Variants in MYO3A observed in about 807,000 individuals in gnomAD.
The protein encoded by MYO3A is myosin-IIIa.
Under a neutral mutation model 192.7 loss-of-function variants are expected in MYO3A, and 180 were observed. The observed-to-expected ratio is 0.93, with a 90% CI of 0.83 to 1.06. The LOEUF (loss-of-function observed/expected upper bound fraction) is 1.06, where lower values mean the gene tolerates loss of function less well. Ranked by LOEUF, MYO3A falls within the 50% of genes least tolerant of loss-of-function variation. The pLI is 0.00. For missense variants in MYO3A, 1,896 were observed against 1,905.0 expected (o/e 1.00, Z 0.09); for synonymous variants, 628 against 645.3 (o/e 0.97, Z 0.41).
chr10:26,118,186 GT>G (rs1312117021), intron 17 of MYO3A, among the ~76,000 whole-genome samples: 25 of 148,120 alleles, frequency 1.7e-4, no homozygotes, highest in East Asian at 9.8e-4. Flanking sequence ...TTTTAATAGG[GT>G]TTTTTTTTTC....
chr10:25,944,663 T>G (rs906946467), intron 2 of MYO3A, among the ~76,000 whole-genome samples: 1 of 151,984 alleles, frequency 6.6e-6, no homozygotes, highest in Admixed American at 6.6e-5. Flanking sequence ...ATTTGTCCAC[T>G]TCATCTAGTT....
intron 26 of MYO3A, among the ~76,000 whole-genome samples, chr10:26,158,954 T>C (rs571060972): frequency 6.6e-6 from 1 of 152,314 alleles, no homozygotes; most frequent in East Asian, 1.9e-4. Flanking sequence ...ATTCTTTTAC[T>C]TGGAGTAACC....
At chr10:25,960,358 C>T (rs189179075) in intron 4 of MYO3A, among the ~76,000 whole-genome samples, 2 of 152,078 alleles carry the variant, frequency 1.3e-5, no homozygotes, top group East Asian at 1.9e-4. Context: ...TAAAAATAGA[C>T]AATTTATCTA....
At chr10:26,121,964 G>A (rs913090973) in intron 18 of MYO3A, among the ~76,000 whole-genome samples, 1 of 152,176 alleles carries the variant, frequency 6.6e-6, no homozygotes, top group Non-Finnish European at 1.5e-5. Flanking sequence ...CAAGTGTATG[G>A]AATTGGCATG....
At chr10:25,962,820 A>T (rs1183224796) in intron 4 of MYO3A, among the ~76,000 whole-genome samples, 2 of 152,146 alleles carry the variant, frequency 1.3e-5, no homozygotes, top group Non-Finnish European at 2.9e-5. Context: ...AGTCTCATAT[A>T]AGGCATTTGC....
intron 34 of MYO3A, chr10:26,204,534 T>C (rs1270625543): frequency 6.6e-6 from 1 of 152,268 alleles, no homozygotes; most frequent in Non-Finnish European, 1.5e-5. Context: ...CTAGGCACTA[T>C]GCCATTGTCT....
chr10:26,109,589 G>C (rs977907697), intron 17 of MYO3A, among the ~76,000 whole-genome samples: 1 of 152,192 alleles, frequency 6.6e-6, no homozygotes, highest in African/African-American at 2.4e-5. Context: ...GAATCCACTG[G>C]AGGTCTTGGG....
At chr10:26,104,665 C>A (rs1837679742) in intron 17 of MYO3A, among the ~76,000 whole-genome samples, 1 of 151,778 alleles carries the variant, frequency 6.6e-6, no homozygotes. Context: ...CAGGGTCAGT[C>A]CCTTAAACTT....
At chr10:26,060,385 T>C (rs1191656722) in intron 10 of MYO3A, among the ~76,000 whole-genome samples, 2 of 152,152 alleles carry the variant, frequency 1.3e-5, no homozygotes, top group Non-Finnish European at 2.9e-5. Context: ...GGAGAATCGC[T>C]TGAACCTGGA....
At chr10:26,068,629 TG>T in intron 11 of MYO3A, 138 bp from the exon 12 acceptor site, 1 of 559,064 alleles carries the variant, frequency 1.8e-6, no homozygotes, top group Non-Finnish European at 3.2e-6. Context: ...TGATGTTACA[TG>T]TTTTTTACTA....
intron 14 of MYO3A, among the ~76,000 whole-genome samples, chr10:26,083,169 TA>T (rs1836079313): frequency 6.6e-6 from 1 of 152,182 alleles, no homozygotes; most frequent in Non-Finnish European, 1.5e-5. Flanking sequence ...GGCCATTAAG[TA>T]AAATAAAGAT....
intron 17 of MYO3A, among the ~76,000 whole-genome samples, chr10:26,097,786 TTGG>T (rs1157317942): frequency 2.0e-5 from 3 of 152,220 alleles, no homozygotes; most frequent in Non-Finnish European, 4.4e-5. Flanking sequence ...CAGTCTATCA[TTGG>T]TGGACATTTG....
chr10:26,191,074 A>G (rs1167189372), intron 31 of MYO3A, among the ~76,000 whole-genome samples: 1 of 152,212 alleles, frequency 6.6e-6, no homozygotes, highest in Non-Finnish European at 1.5e-5. Flanking sequence ...GTCACATACC[A>G]CATTCATGTT....
chr10:26,158,720 A>T (rs1232289341), intron 26 of MYO3A, among the ~76,000 whole-genome samples: 2 of 151,974 alleles, frequency 1.3e-5, no homozygotes, highest in East Asian at 3.9e-4. Context: ...TATCATTTCT[A>T]TTGGTCATTA....
intron 26 of MYO3A, among the ~76,000 whole-genome samples, chr10:26,163,795 T>C (rs1841595477): frequency 6.6e-6 from 1 of 152,126 alleles, no homozygotes; most frequent in Non-Finnish European, 1.5e-5. Flanking sequence ...CATACAGGAA[T>C]AGTTGGAGCC....
chr10:26,154,924 G>A (rs1455038753), intron 25 of MYO3A, 101 bp downstream of exon 25: 2 of 996,890 alleles, frequency 2.0e-6, no homozygotes, highest in Non-Finnish European at 3.1e-6. Flanking sequence ...AATGTTTATT[G>A]TATTCCATTT....
intron 31 of MYO3A, among the ~76,000 whole-genome samples, chr10:26,186,558 G>C (rs1168701897): frequency 6.6e-6 from 1 of 152,096 alleles, no homozygotes; most frequent in African/African-American, 2.4e-5. Flanking sequence ...GAGCCACTGC[G>C]CCCAGCCAAT....
chr10:26,071,112 A>T (rs1457791823), intron 14 of MYO3A, among the ~76,000 whole-genome samples: 1 of 152,096 alleles, frequency 6.6e-6, no homozygotes, highest in Non-Finnish European at 1.5e-5. Flanking sequence ...CTTGAGAAAG[A>T]ACAAAGTTGG....
rs539104040 is a variant in MYO3A, at chr10:26,093,831, T to A, written c.1563-2550T>A. Among the ~76,000 whole-genome samples, 4 of 152,326 alleles carry A rather than the reference T, an allele frequency of 2.6e-5. No homozygotes were observed. The South Asian group carries it at 8.3e-4, about 32-fold the overall frequency. Reference sequence around the variant, plus strand: ...ATTGCCAACTACCTACATATCCTGCTACCATCTCAAATTCAAGTGAATACA... The same window carrying A: ...ATTGCCAACTACCTACATATCCTGCAACCATCTCAAATTCAAGTGAATACA... On this transcript the variant is annotated intron_variant, in intron 15 of 34. Transcript: ENST00000642920.
Sources: allele counts gnomAD v4.1 joint callset (sites outside exome capture counted in the v4.1 genomes callset), GRCh38; gene constraint gnomAD v4.1.1; transcripts MANE v1.5; gene names NCBI Gene and HGNC (gene_info 2026-07-23, HGNC 2026-07-21).